CAMK4: variants seen among roughly 807,000 people sequenced by gnomAD.
CAMK4 encodes calcium/calmodulin dependent protein kinase IV.
A neutral mutation model predicts 44.9 loss-of-function variants in CAMK4; 22 were observed. The ratio of observed to expected loss-of-function variants is 0.49; its 90% CI spans 0.35 to 0.70. The LOEUF (loss-of-function observed/expected upper bound fraction) is 0.70. CAMK4 is among the 30% of genes least tolerant of loss of function. The pLI is 0.01. For synonymous variants in CAMK4, 218 were observed against 215.4 expected (o/e 1.01, Z -0.11); for missense variants, 498 against 586.8 (o/e 0.85, Z 1.56).
intron 1 of CAMK4, among the ~76,000 whole-genome samples, chr5:111,266,980 A>G (rs1445050239): frequency 6.6e-6 from 1 of 152,176 alleles, no homozygotes; most frequent in Non-Finnish European, 1.5e-5. Flanking sequence ...CTTGGCCAGT[A>G]AATATCAACA....
At chr5:111,479,022 G>T (rs1161033138) in intron 9 of CAMK4, among the ~76,000 whole-genome samples, 1 of 152,076 alleles carries the variant, frequency 6.6e-6, no homozygotes, top group Non-Finnish European at 1.5e-5. Flanking sequence ...GGACACAGGT[G>T]CATGCCACCA....
intron 1 of CAMK4, among the ~76,000 whole-genome samples, chr5:111,319,245 A>G (rs905206601): frequency 2.0e-5 from 3 of 152,160 alleles, no homozygotes; most frequent in Non-Finnish European, 4.4e-5. Context: ...TAATTTATCA[A>G]TTGAAAAAGT....
At chr5:111,329,172 C>G (rs1442485457) in intron 1 of CAMK4, among the ~76,000 whole-genome samples, 1 of 151,852 alleles carries the variant, frequency 6.6e-6, no homozygotes, top group Admixed American at 6.6e-5. Context: ...TGACAAAATT[C>G]AACAACGCTT....
At chr5:111,315,520 A>C (rs1748382069) in intron 1 of CAMK4, among the ~76,000 whole-genome samples, 1 of 152,294 alleles carries the variant, frequency 6.6e-6, no homozygotes, top group African/African-American at 2.4e-5. Context: ...CGTGCCTGGC[A>C]CTGGGCTAGG....
At chr5:111,456,407 C>T (rs536072737) in intron 7 of CAMK4, among the ~76,000 whole-genome samples, 4 of 152,048 alleles carry the variant, frequency 2.6e-5, no homozygotes, top group South Asian at 2.1e-4. Context: ...AGGAGAATGG[C>T]GTGAACCCAG....
intron 4 of CAMK4, among the ~76,000 whole-genome samples, chr5:111,388,477 C>T (rs149988057): frequency 2.6e-5 from 4 of 152,120 alleles, no homozygotes; most frequent in East Asian, 1.9e-4. Context: ...CCTATCCCGA[C>T]CCCCAACTGC....
chr5:111,234,857 G>T (rs1349913130), intron 1 of CAMK4, among the ~76,000 whole-genome samples: 3 of 152,188 alleles, frequency 2.0e-5, no homozygotes, highest in Non-Finnish European at 4.4e-5. Flanking sequence ...TTACAAGTTT[G>T]TAGTAGCATG....
At chr5:111,386,435 G>A (rs776145670) in intron 4 of CAMK4, among the ~76,000 whole-genome samples, 6 of 152,138 alleles carry the variant, frequency 3.9e-5, no homozygotes, top group Non-Finnish European at 7.4e-5. Context: ...AAAAAGCTGC[G>A]AGTGGTGGGC....
chr5:111,286,125 C>A (rs975897418), intron 1 of CAMK4, among the ~76,000 whole-genome samples: 4 of 152,146 alleles, frequency 2.6e-5, no homozygotes, highest in African/African-American at 9.7e-5. Flanking sequence ...TTCAGTGAAA[C>A]CCATATTCCA....
rs375191310 is a variant in CAMK4, at chr5:111,446,771, A to G, written c.545A>G (p.Lys182Arg). Residue 182 changes from lysine to arginine, a missense_variant, in exon 6 of 11, where the codon AAA (lysine) becomes AGA (arginine). Lys to Arg is a conservative substitution (Grantham distance 26). This residue lies in a region of CAMK4 where 203 missense variants were observed against 298.2 expected (regional missense o/e 0.68). Coordinates refer to ENST00000282356, the MANE Select transcript of CAMK4 (RefSeq NM_001744.6). ...YATPAPDAPL[K>R]IADFGLSKIV... Reference sequence around the variant, plus strand: ...ACTCCAGCCCCAGATGCACCACTCAAAATCGGTGAGAACATTTCTTCTTGT... The same window carrying G: ...ACTCCAGCCCCAGATGCACCACTCAGAATCGGTGAGAACATTTCTTCTTGT... 2 of 1,594,122 alleles carry G rather than the reference A, an allele frequency of 1.3e-6. No homozygotes were observed. Among genetic ancestry groups the G allele is most frequent in the Non-Finnish European group, 1.7e-6 (2 of 1,161,856 alleles).
chr5:111,231,271 G>T (rs1000504905), intron 1 of CAMK4, among the ~76,000 whole-genome samples: 2 of 152,148 alleles, frequency 1.3e-5, no homozygotes, highest in Admixed American at 1.3e-4. Context: ...TGGGTAAAGG[G>T]TAATGCAAGT....
intron 1 of CAMK4, among the ~76,000 whole-genome samples, chr5:111,336,412 G>A (rs565744351): frequency 6.6e-6 from 1 of 151,122 alleles, no homozygotes; most frequent in African/African-American, 2.4e-5. Flanking sequence ...TGCTGAAAAT[G>A]TGATTGCTTT....
At chr5:111,371,095 T>C (rs17133188) in intron 2 of CAMK4, among the ~76,000 whole-genome samples, 1 of 151,980 alleles carries the variant, frequency 6.6e-6, no homozygotes, top group Non-Finnish European at 1.5e-5. Context: ...AATGTATGCT[T>C]TTTTCACTAA....
intron 5 of CAMK4, among the ~76,000 whole-genome samples, chr5:111,434,630 C>T (rs1381307913): frequency 2.0e-5 from 3 of 152,108 alleles, no homozygotes; most frequent in African/African-American, 4.8e-5. Flanking sequence ...ATTGCTTTCT[C>T]GTATATTCTG....
intron 2 of CAMK4, among the ~76,000 whole-genome samples, chr5:111,348,819 G>T (rs1427526612): frequency 6.6e-6 from 1 of 152,010 alleles, no homozygotes; most frequent in Non-Finnish European, 1.5e-5. Context: ...GACCCTGTTC[G>T]CATAATTGAG....
rs1369313367 is a variant in CAMK4, at chr5:111,488,878, G to GT, written c.*4413dup. The GT allele has an allele frequency of 2.0e-5, 3 of 152,148 alleles. No homozygotes were observed. Among genetic ancestry groups the GT allele is most frequent in the Non-Finnish European group, 2.9e-5 (2 of 68,034 alleles). The allele number at this position is 152,148 out of a possible 1,614,324, so 9.4% of individuals were successfully genotyped here. On this transcript the variant is annotated 3_prime_UTR_variant, in exon 11 of 11. Coordinates refer to ENST00000282356, the MANE Select transcript of CAMK4 (RefSeq NM_001744.6). Reference sequence around the variant, plus strand: ...CTTATTTGTCATTGCAAAGTATTCAGTCATGTTGTCTAGATTTACTTTAGA... The same window carrying GT: ...CTTATTTGTCATTGCAAAGTATTCAGTTCATGTTGTCTAGATTTACTTTAGA...
At chr5:111,380,285 C>T (rs417794) in intron 4 of CAMK4, among the ~76,000 whole-genome samples, 2 of 151,654 alleles carry the variant, frequency 1.3e-5, no homozygotes, top group African/African-American at 4.9e-5. Flanking sequence ...ATTTTGTAAA[C>T]ATTGTCATGG....
At chr5:111,415,281 G>T (rs533950512) in intron 5 of CAMK4, among the ~76,000 whole-genome samples, 1 of 152,186 alleles carries the variant, frequency 6.6e-6, no homozygotes, top group Non-Finnish European at 1.5e-5. Context: ...TATCCATGCT[G>T]TATACCCTCA....
intron 7 of CAMK4, among the ~76,000 whole-genome samples, chr5:111,457,050 T>A (rs987832334): frequency 6.6e-5 from 10 of 152,166 alleles, no homozygotes; most frequent in African/African-American, 2.4e-4. Flanking sequence ...TTTATGGAGG[T>A]CAATGAGCTG....
Sources: allele counts gnomAD v4.1 joint callset (sites outside exome capture counted in the v4.1 genomes callset), GRCh38; gene constraint gnomAD v4.1.1; regional missense constraint gnomAD v4.1.1; transcripts MANE v1.5; gene names NCBI Gene and HGNC (gene_info 2026-07-23, HGNC 2026-07-21).